EPHA6: variants seen among roughly 807,000 people sequenced by gnomAD.
The protein encoded by EPHA6 is EPH receptor A6.
EPHA6 carries 50 observed loss-of-function variants against 112.0 expected under a neutral mutation model. That is an observed-to-expected ratio of 0.45 (90% confidence interval 0.36 to 0.56). The LOEUF is 0.56. Ranked by LOEUF, EPHA6 falls within the 20% of genes least tolerant of loss-of-function variation. The pLI is 0.00. For synonymous variants in EPHA6, 529 were observed against 490.7 expected, an observed-to-expected ratio of 1.08 and a Z score of -1.03; for missense variants, 1,280 against 1,417.4, an observed-to-expected ratio of 0.90 and a Z score of 1.56.
At chr3:97,165,945 T>G (rs1406102192) in intron 3 of EPHA6, among the ~76,000 whole-genome samples, 7 of 152,164 alleles carry the variant, frequency 4.6e-5, no homozygotes, top group African/African-American at 1.7e-4. Context: ...CAGATGCTTT[T>G]GGTTTCAATT....
chr3:97,413,656 A>G (rs186374105), intron 6 of EPHA6, among the ~76,000 whole-genome samples: 256 of 152,134 alleles, frequency 1.7e-3, no homozygotes, highest in African/African-American at 5.9e-3. Flanking sequence ...AAAGGAAAGC[A>G]GTTTTTGCAT....
Position 97,346,711 on chromosome 3 carries a change from G to A in EPHA6, c.1607-58439G>A, listed in dbSNP as rs141271759. On this transcript the variant is annotated intron_variant, in intron 5 of 17. Transcript: ENST00000389672. ...AAACCTAGTCACATAGCTAAATACA[G>A]CTTCAAATGAGGCTGGAAAATGTAG... 7.8e-4 allele frequency among the ~76,000 whole-genome samples: 118 copies of A among 150,718 alleles called. 1 individual carries two copies. The highest frequency in any genetic ancestry group is 2.8e-3 in the African/African-American group (113 of 40,750).
intron 3 of EPHA6, among the ~76,000 whole-genome samples, chr3:97,104,510 G>A (rs994180339): frequency 6.6e-6 from 1 of 152,062 alleles, no homozygotes; most frequent in Non-Finnish European, 1.5e-5. Context: ...TGATCGTGGT[G>A]GATAAGCTTT....
At chr3:97,428,868 T>A (rs1236108557) in intron 6 of EPHA6, among the ~76,000 whole-genome samples, 4 of 152,138 alleles carry the variant, frequency 2.6e-5, no homozygotes, top group Non-Finnish European at 5.9e-5. Flanking sequence ...TGGCCAAGAC[T>A]TTCTCAGGCT....
At chr3:96,877,313 T>A (rs531372088) in intron 2 of EPHA6, among the ~76,000 whole-genome samples, 1 of 152,124 alleles carries the variant, frequency 6.6e-6, no homozygotes, top group Non-Finnish European at 1.5e-5. Context: ...TTTCTCACTA[T>A]TCTCTCACTA....
chr3:96,919,767 T>A (rs1256909962), intron 2 of EPHA6, among the ~76,000 whole-genome samples: 1 of 151,930 alleles, frequency 6.6e-6, no homozygotes, highest in Non-Finnish European at 1.5e-5. Flanking sequence ...CCTTTTGTGC[T>A]ATTAAGTACA....
At chr3:97,305,548 T>C (rs1354119961) in intron 5 of EPHA6, among the ~76,000 whole-genome samples, 2 of 151,932 alleles carry the variant, frequency 1.3e-5, no homozygotes, top group Admixed American at 6.6e-5. Flanking sequence ...TAAAAAGGAA[T>C]GATAACATGT....
chr3:97,038,900 T>C (rs1280724164), intron 3 of EPHA6, among the ~76,000 whole-genome samples: 1 of 152,064 alleles, frequency 6.6e-6, no homozygotes, highest in Non-Finnish European at 1.5e-5. Flanking sequence ...TTTTTTCACT[T>C]TTCTGTAGCC....
intron 1 of EPHA6, among the ~76,000 whole-genome samples, chr3:96,832,852 G>T (rs2034175331): frequency 6.6e-6 from 1 of 151,916 alleles, no homozygotes; most frequent in African/African-American, 2.4e-5. Flanking sequence ...CTTCCCACAT[G>T]CAGTAGTATA....
At chr3:97,317,943 T>A (rs2081925182) in intron 5 of EPHA6, among the ~76,000 whole-genome samples, 1 of 151,966 alleles carries the variant, frequency 6.6e-6, no homozygotes, top group South Asian at 2.1e-4. Flanking sequence ...GCTTTGCCAG[T>A]GGGGAGACTT....
At chr3:97,373,790 T>C (rs1268435716) in intron 5 of EPHA6, among the ~76,000 whole-genome samples, 3 of 152,154 alleles carry the variant, frequency 2.0e-5, no homozygotes, top group African/African-American at 7.2e-5. Context: ...AATTTTAAAG[T>C]CCTGAACTAT....
At chr3:96,901,332 T>C (rs2038598143) in intron 2 of EPHA6, among the ~76,000 whole-genome samples, 1 of 152,098 alleles carries the variant, frequency 6.6e-6, no homozygotes, top group African/African-American at 2.4e-5. Flanking sequence ...CTACAAAGTT[T>C]TGGGGACTAT....
intron 14 of EPHA6, among the ~76,000 whole-genome samples, chr3:97,696,716 G>A (rs950995742): frequency 4.6e-5 from 7 of 152,098 alleles, no homozygotes; most frequent in Non-Finnish European, 8.8e-5. Context: ...TACTGAGTGT[G>A]TACTATGGTC....
intron 3 of EPHA6, among the ~76,000 whole-genome samples, chr3:97,157,977 C>T (rs1333761116): frequency 6.6e-6 from 1 of 152,154 alleles, no homozygotes; most frequent in African/African-American, 2.4e-5. Flanking sequence ...AAATCTACCC[C>T]TTGTCAACTT....
At chr3:97,579,148 G>T (rs945527255) in intron 11 of EPHA6, among the ~76,000 whole-genome samples, 2 of 152,128 alleles carry the variant, frequency 1.3e-5, no homozygotes, top group Non-Finnish European at 2.9e-5. Context: ...CTCAAGGTTT[G>T]TGATTATAAT....
chr3:97,520,605 G>T (rs2092525974), intron 10 of EPHA6, among the ~76,000 whole-genome samples: 1 of 152,154 alleles, frequency 6.6e-6, no homozygotes, highest in African/African-American at 2.4e-5. Flanking sequence ...CCTTATAAGT[G>T]ACTGGACACT....
chr3:97,346,276 A>G (rs2083527658), intron 5 of EPHA6, among the ~76,000 whole-genome samples: 1 of 152,204 alleles, frequency 6.6e-6, no homozygotes, highest in Non-Finnish European at 1.5e-5. Context: ...TCCTCTCAAG[A>G]GAGGCATTAG....
intron 7 of EPHA6, among the ~76,000 whole-genome samples, chr3:97,468,635 A>G (rs914693569): frequency 6.6e-6 from 1 of 151,692 alleles, no homozygotes; most frequent in African/African-American, 2.4e-5. Flanking sequence ...CTATTAATTT[A>G]CCTCTGTACA....
intron 12 of EPHA6, chr3:97,606,305 C>G (rs2093679843): frequency 6.6e-6 from 1 of 151,130 alleles, no homozygotes; most frequent in Non-Finnish European, 1.5e-5. Flanking sequence ...AATGATTTTT[C>G]AAGAGTTAGC....
Sources: allele counts gnomAD v4.1 joint callset (sites outside exome capture counted in the v4.1 genomes callset), GRCh38; gene constraint gnomAD v4.1.1; transcripts MANE v1.5; gene names NCBI Gene and HGNC (gene_info 2026-07-23, HGNC 2026-07-21).